Variants in RIMS2 observed in about 807,000 individuals in gnomAD.
The protein encoded by RIMS2 is regulating synaptic membrane exocytosis 2, also known as regulating synaptic membrane exocytosis protein 2.
In RIMS2, 59 loss-of-function variants were observed where a neutral mutation model predicts 174.4. The ratio of observed to expected loss-of-function variants is 0.34; its 90% CI spans 0.27 to 0.42. RIMS2 has a LOEUF of 0.42. Among genes scored for constraint, RIMS2 ranks in the 10% least tolerant of loss-of-function variants. RIMS2 has a pLI of 1.00. For missense variants in RIMS2, 1,620 were observed against 1,666.3 expected (o/e 0.97, Z 0.48); for synonymous variants, 606 against 572.5 (o/e 1.06, Z -0.84).
At chr8:103,512,448 C>G (rs958316673) in intron 1 of RIMS2, among the ~76,000 whole-genome samples, 5 of 152,170 alleles carry the variant, frequency 3.3e-5, no homozygotes, top group Non-Finnish European at 7.3e-5. Context: ...TGGGTCTCTA[C>G]TCCATGTCAT....
At chr8:103,635,705 C>A (rs529499147) in intron 1 of RIMS2, among the ~76,000 whole-genome samples, 1 of 151,716 alleles carries the variant, frequency 6.6e-6, no homozygotes, top group South Asian at 2.1e-4. Flanking sequence ...AGGATCAGTA[C>A]CTGCTTAAGA....
intron 19 of RIMS2, among the ~76,000 whole-genome samples, chr8:104,020,781 G>C (rs532296196): frequency 2.5e-4 from 38 of 151,982 alleles, no homozygotes; most frequent in Middle Eastern, 7.1e-3. Flanking sequence ...AATATAAAAG[G>C]AAGATTTATA....
intron 19 of RIMS2, among the ~76,000 whole-genome samples, chr8:104,078,568 C>T (rs538280648): frequency 3.3e-5 from 5 of 152,230 alleles, no homozygotes; most frequent in African/African-American, 9.6e-5. Context: ...AAAGCTCTAG[C>T]GTCAAGTACA....
At chr8:103,793,922 G>T (rs922231189) in intron 3 of RIMS2, among the ~76,000 whole-genome samples, 9 of 152,210 alleles carry the variant, frequency 5.9e-5, no homozygotes, top group African/African-American at 2.2e-4. Context: ...ACTGCTCAAC[G>T]AAATAAAAGA....
intron 19 of RIMS2, among the ~76,000 whole-genome samples, chr8:104,212,887 G>A (rs942081650): frequency 6.6e-6 from 1 of 152,176 alleles, no homozygotes; most frequent in Non-Finnish European, 1.5e-5. Flanking sequence ...ATGAGAAATG[G>A]TTGAGTATGG....
chr8:103,893,458 C>T (rs2099258915), intron 4 of RIMS2, among the ~76,000 whole-genome samples: 1 of 152,058 alleles, frequency 6.6e-6, no homozygotes, highest in Non-Finnish European at 1.5e-5. Context: ...TGTACTTTTA[C>T]TGCATGTGGG....
chr8:104,039,879 G>C (rs2154557460), intron 19 of RIMS2, among the ~76,000 whole-genome samples: 1 of 151,662 alleles, frequency 6.6e-6, no homozygotes, highest in Admixed American at 6.6e-5. Flanking sequence ...GGTTAATCCT[G>C]TTAGCAGTAT....
At position 103,875,874 on chromosome 8, in the gene RIMS2, A is replaced by T. The variant is rs528461502; in HGVS notation, c.699-9424A>T. Reference sequence around the variant, plus strand: ...TTTCTTGTGATTAGAGATGTTAAGAATTTTTTCATGTTTGTTGGCAACTTC... The same window carrying T: ...TTTCTTGTGATTAGAGATGTTAAGATTTTTTTCATGTTTGTTGGCAACTTC... On this transcript the variant is annotated intron_variant, in intron 3 of 23. Coordinates refer to ENST00000504942, the Ensembl canonical transcript of RIMS2. Among the ~76,000 whole-genome samples the T allele has an allele frequency of 7.2e-4, 109 of 151,974 alleles. 1 individual carries two copies. The highest frequency in any genetic ancestry group is 2.3e-3 in the African/African-American group (95 of 41,494).
At chr8:103,959,576 T>C (rs2089104970) in intron 14 of RIMS2, among the ~76,000 whole-genome samples, 1 of 151,920 alleles carries the variant, frequency 6.6e-6, no homozygotes. Context: ...ACTAATATTT[T>C]TTTTCTTTTT....
intron 1 of RIMS2, among the ~76,000 whole-genome samples, chr8:103,606,273 A>C (rs2133969208): frequency 6.7e-6 from 1 of 149,856 alleles, no homozygotes; most frequent in Non-Finnish European, 1.5e-5. Flanking sequence ...GTAGTCATTC[A>C]GGAGCAGGTT....
intron 4 of RIMS2, among the ~76,000 whole-genome samples, chr8:103,906,806 T>A (rs1481505820): frequency 6.6e-6 from 1 of 152,166 alleles, no homozygotes; most frequent in Non-Finnish European, 1.5e-5. Context: ...TATGGGACAA[T>A]ACTGTATTTT....
intron 19 of RIMS2, among the ~76,000 whole-genome samples, chr8:104,175,048 CAG>C (rs79081250): frequency 0.1 from 15,435 of 152,138 alleles, 855 homozygotes; most frequent in Middle Eastern, 0.13. Context: ...TCTGTAGAGA[CAG>C]AGAGTTTTCC....
intron 19 of RIMS2, among the ~76,000 whole-genome samples, chr8:104,119,211 T>C (rs959582795): frequency 1.3e-5 from 2 of 149,702 alleles, no homozygotes; most frequent in Admixed American, 1.3e-4. Flanking sequence ...AAATCAAAAA[T>C]TAGCTGGGCC....
intron 14 of RIMS2, among the ~76,000 whole-genome samples, chr8:103,951,058 G>A (rs1198535920): frequency 6.6e-6 from 1 of 152,142 alleles, no homozygotes; most frequent in African/African-American, 2.4e-5. Context: ...TGCAAGATTG[G>A]TTCAACATGC....
intron 3 of RIMS2, among the ~76,000 whole-genome samples, chr8:103,823,850 A>G (rs191384274): frequency 6.6e-6 from 1 of 152,156 alleles, no homozygotes; most frequent in East Asian, 1.9e-4. Context: ...GATTTTTCAT[A>G]TTGCATGAAA....
intron 3 of RIMS2, among the ~76,000 whole-genome samples, chr8:103,834,876 T>C (rs2098861605): frequency 6.6e-6 from 1 of 151,602 alleles, no homozygotes; most frequent in African/African-American, 2.4e-5. Context: ...GCTCAAGCAA[T>C]CCTCTCACCT....
At chr8:103,973,348 C>T (rs1289464770) in intron 15 of RIMS2, among the ~76,000 whole-genome samples, 1 of 151,918 alleles carries the variant, frequency 6.6e-6, no homozygotes, top group African/African-American at 2.4e-5. Context: ...CTGAGGAAAC[C>T]TTGTGCTGTG....
chr8:103,608,493 G>C (rs913427185), intron 1 of RIMS2, among the ~76,000 whole-genome samples: 1 of 144,450 alleles, frequency 6.9e-6, no homozygotes, highest in East Asian at 1.9e-4. Flanking sequence ...AGGCAGGCAG[G>C]CCTCCTTGAG....
intron 3 of RIMS2, among the ~76,000 whole-genome samples, chr8:103,792,814 A>G (rs1306525239): frequency 2.0e-5 from 3 of 152,190 alleles, no homozygotes; most frequent in Non-Finnish European, 4.4e-5. Flanking sequence ...CTCTATGCAA[A>G]TAAACTAGAA....
Sources: gnomAD v4.1 joint callset for allele counts (sites outside exome capture counted in the v4.1 genomes callset) on GRCh38, gnomAD v4.1.1 for gene constraint, MANE v1.5 for transcripts, NCBI Gene and HGNC (gene_info 2026-07-23, HGNC 2026-07-21) for gene names.